The following PRKCE variants were observed in gnomAD, a reference collection of about 807,000 sequenced individuals.
PRKCE encodes the protein protein kinase C epsilon type.
Under a neutral mutation model 85.4 loss-of-function variants are expected in PRKCE, and 16 were observed. The observed-to-expected ratio is 0.19, with a 90% CI of 0.13 to 0.28. The LOEUF is 0.28. PRKCE is among the 10% of genes least tolerant of loss of function. The pLI is 1.00. For synonymous variants in PRKCE, 388 were observed against 371.5 expected, an observed-to-expected ratio of 1.04 and a Z score of -0.51; for missense variants, 573 against 975.2, an observed-to-expected ratio of 0.59 and a Z score of 5.49.
chr2:46,080,351 TGCTTTG>T (rs1174820705), intron 10 of PRKCE, among the ~76,000 whole-genome samples: 3 of 152,212 alleles, frequency 2.0e-5, no homozygotes, highest in African/African-American at 7.2e-5. Context: ...GAGTTGATCG[TGCTTTG>T]GGGTCATGAA....
intron 6 of PRKCE, among the ~76,000 whole-genome samples, chr2:45,997,571 G>T (rs2104699656): frequency 1.3e-5 from 2 of 151,774 alleles, no homozygotes; most frequent in South Asian, 4.2e-4. Context: ...TTTTGAGACA[G>T]AGTCTCACTC....
chr2:45,959,235 TGCCAGACTGCTA>T (rs1229588392), intron 2 of PRKCE, among the ~76,000 whole-genome samples: 2 of 152,204 alleles, frequency 1.3e-5, no homozygotes, highest in Non-Finnish European at 2.9e-5. Context: ...GAATTATTTG[TGCCAGACTGCTA>T]GCCAGAGAGG....
intron 1 of PRKCE, among the ~76,000 whole-genome samples, chr2:45,793,570 G>T (rs139137444): frequency 1.3e-5 from 2 of 152,248 alleles, no homozygotes; most frequent in Non-Finnish European, 2.9e-5. Flanking sequence ...AACTCCAGAC[G>T]GTGGCCTCAG....
At chr2:46,110,624 C>CT (rs1221232448) in intron 11 of PRKCE, among the ~76,000 whole-genome samples, 110 of 146,056 alleles carry the variant, frequency 7.5e-4, no homozygotes, top group African/African-American at 1.8e-3. Context: ...TATTCTTAGT[C>CT]TTTTTTTTTT....
intron 10 of PRKCE, among the ~76,000 whole-genome samples, chr2:46,026,510 C>G (rs1707121651): frequency 6.6e-6 from 1 of 152,090 alleles, no homozygotes; most frequent in African/African-American, 2.4e-5. Context: ...TTAATTCTAC[C>G]AAAAGTGTCA....
intron 1 of PRKCE, among the ~76,000 whole-genome samples, chr2:45,761,557 C>G (rs139473387): frequency 2.0e-5 from 3 of 152,250 alleles, no homozygotes; most frequent in South Asian, 2.1e-4. Context: ...CTGATATTCT[C>G]TCAAGCCCCC....
At chr2:46,103,165 T>C (rs936718560) in intron 11 of PRKCE, among the ~76,000 whole-genome samples, 1 of 152,266 alleles carries the variant, frequency 6.6e-6, no homozygotes, top group Non-Finnish European at 1.5e-5. Flanking sequence ...AATACTACTT[T>C]ATTTTGTTGC....
intron 12 of PRKCE, among the ~76,000 whole-genome samples, chr2:46,148,551 CCAGTG>C (rs1206428308): frequency 1.3e-5 from 2 of 152,222 alleles, no homozygotes; most frequent in Non-Finnish European, 2.9e-5. Flanking sequence ...ACTGTAGCAC[CCAGTG>C]TGCCCTGAGG....
At chr2:45,940,515 C>G (rs923121926) in intron 2 of PRKCE, among the ~76,000 whole-genome samples, 4 of 152,126 alleles carry the variant, frequency 2.6e-5, no homozygotes, top group African/African-American at 4.8e-5. Flanking sequence ...TTAGTAGGCC[C>G]AAGTCAGTCA....
intron 10 of PRKCE, among the ~76,000 whole-genome samples, chr2:46,022,604 C>T (rs1407477673): frequency 6.6e-6 from 1 of 152,240 alleles, no homozygotes; most frequent in Admixed American, 6.5e-5. Flanking sequence ...TTGATCAAAG[C>T]CTCTGTGTTC....
At chr2:45,917,963 T>C (rs1280460869) in intron 2 of PRKCE, among the ~76,000 whole-genome samples, 1 of 152,100 alleles carries the variant, frequency 6.6e-6, no homozygotes, top group Admixed American at 6.5e-5. Context: ...GGCCGGCTGC[T>C]CCGAGTGCGG....
At chr2:46,123,211 T>C (rs1161712166) in intron 11 of PRKCE, among the ~76,000 whole-genome samples, 4 of 133,010 alleles carry the variant, frequency 3.0e-5, no homozygotes, top group Non-Finnish European at 4.7e-5. Flanking sequence ...GGAAAACACT[T>C]GCCTTTTTTT....
intron 2 of PRKCE, among the ~76,000 whole-genome samples, chr2:45,882,107 T>C (rs1007022576): frequency 2.0e-5 from 3 of 152,218 alleles, no homozygotes; most frequent in African/African-American, 7.2e-5. Flanking sequence ...GGTGTTATAA[T>C]TGTTTTTTCT....
chr2:45,881,025 C>T (rs1304983665), intron 2 of PRKCE, among the ~76,000 whole-genome samples: 3 of 150,914 alleles, frequency 2.0e-5, no homozygotes, highest in East Asian at 1.9e-4. Context: ...TAGTGGCGGG[C>T]GCCTGTAGTC....
chr2:45,779,968 C>T (rs902806464), intron 1 of PRKCE, among the ~76,000 whole-genome samples: 9 of 152,134 alleles, frequency 5.9e-5, no homozygotes, highest in Non-Finnish European at 1.3e-4. Flanking sequence ...TTTGTTTTCT[C>T]CCTACCTCAC....
intron 1 of PRKCE, among the ~76,000 whole-genome samples, chr2:45,704,931 T>C (rs1678983496): frequency 6.6e-6 from 1 of 152,204 alleles, no homozygotes; most frequent in Admixed American, 6.5e-5. Flanking sequence ...TCTTAAGTAA[T>C]TCTCAGCCCC....
intron 2 of PRKCE, among the ~76,000 whole-genome samples, chr2:45,875,542 G>T (rs966312362): frequency 6.6e-6 from 1 of 152,210 alleles, no homozygotes; most frequent in Admixed American, 6.5e-5. Context: ...AGCCCTCTGG[G>T]CACTGATTTA....
At chr2:45,692,690 C>T (rs1279007761) in intron 1 of PRKCE, among the ~76,000 whole-genome samples, 2 of 150,334 alleles carry the variant, frequency 1.3e-5, no homozygotes, top group Non-Finnish European at 3.0e-5. Context: ...GAGCACTGTG[C>T]TGAAGAGTCC....
chr2:45,927,570 A>G (rs146529773), intron 2 of PRKCE, among the ~76,000 whole-genome samples: 58 of 152,296 alleles, frequency 3.8e-4, no homozygotes, highest in Non-Finnish European at 7.5e-4. Flanking sequence ...GCCAGTCTGT[A>G]CTGCTGATCC....
Sources: allele counts gnomAD v4.1 joint callset (sites outside exome capture counted in the v4.1 genomes callset), GRCh38; gene constraint gnomAD v4.1.1; transcripts MANE v1.5; gene names NCBI Gene and HGNC (gene_info 2026-07-23, HGNC 2026-07-21).